Variants in LMX1A observed in about 807,000 individuals in gnomAD.
LMX1A encodes LIM homeobox transcription factor 1 alpha.
In LMX1A, 15 loss-of-function variants were observed where a neutral mutation model predicts 49.1. That is an observed-to-expected ratio of 0.31 (90% CI 0.20 to 0.47). The LOEUF (loss-of-function observed/expected upper bound fraction) is 0.47. Ranked by LOEUF, LMX1A falls within the 20% of genes least tolerant of loss-of-function variation. The probability of loss-of-function intolerance (pLI) is 1.00; values close to 1 mark genes in which losing one functional copy is unlikely to be tolerated. For synonymous variants in LMX1A, 167 were observed against 185.7 expected (o/e 0.90, Z 0.82); for missense variants, 372 against 475.8 (o/e 0.78, Z 2.03).
At chr1:165,292,958 A>C (rs1654518969) in intron 3 of LMX1A, among the ~76,000 whole-genome samples, 1 of 152,106 alleles carries the variant, frequency 6.6e-6, no homozygotes, top group African/African-American at 2.4e-5. Flanking sequence ...CTCTACTAAA[A>C]ATACAAAAAT....
chr1:165,325,444 T>TGTATAC (rs1364932348), intron 3 of LMX1A, among the ~76,000 whole-genome samples: 1 of 111,722 alleles, frequency 9.0e-6, no homozygotes, highest in East Asian at 2.5e-4. Context: ...TATATGTATA[T>TGTATAC]GTATATGTAT....
chr1:165,272,150 T>G lies in LMX1A; in HGVS notation c.264-22510A>C, dbSNP rs537779380. On this transcript the variant is annotated intron_variant, in intron 3 of 8. Coordinates refer to ENST00000342310, the MANE Select transcript of LMX1A (RefSeq NM_177398.4). ...CCAGCTAATTCATCTAGGACCACAC[T>G]GCCCACCAAGGGGCTTGGTCCTCCA... is the stretch of plus-strand genomic sequence containing the variant. 3.0e-4 allele frequency among the ~76,000 whole-genome samples: 45 copies of G among 152,182 alleles called. 1 individual carries two copies. In the South Asian group the frequency reaches 6.9e-3, roughly 23 times the overall value.
chr1:165,249,484 C>A lies in LMX1A; in HGVS notation c.420G>T (p.Gly140=), dbSNP rs369819729. The A allele has an allele frequency of 3.1e-6, 5 of 1,614,090 alleles. No homozygotes were observed. Among genetic ancestry groups the A allele is most frequent in the Non-Finnish European group, 4.2e-6 (5 of 1,180,050 alleles). The change falls in exon 4 of 9, where the codon GGG becomes GGT. Residue 140 remains glycine (G), a synonymous_variant. Transcript: ENST00000342310. ...CATAGTCCCCTTTGCAGAGCAGCTG[C>A]CCCTCCTTCAGGACAAACTCATCAC... The part of the protein sequence containing the change: ...QKGDEFVLKE[G]QLLCKGDYEK...
intron 3 of LMX1A, among the ~76,000 whole-genome samples, chr1:165,302,254 G>A (rs1363695172): frequency 3.9e-5 from 6 of 151,980 alleles, no homozygotes; most frequent in East Asian, 1.9e-4. Context: ...GACCAGCCTC[G>A]CCAACATGGA....
rs895015619 is a variant in LMX1A, at chr1:165,203,988, G to C, written c.1041C>G (p.Asn347Lys). 2.5e-6 allele frequency: 4 copies of C among 1,614,036 alleles called. No homozygotes were observed. The African/African-American group carries it at 4.0e-5, about 16-fold the overall frequency. Residue 347 changes from asparagine to lysine, a missense_variant, in exon 9 of 9, where the codon AAC (asparagine) becomes AAG (lysine). Coordinates refer to ENST00000342310, the MANE Select transcript of LMX1A (RefSeq NM_177398.4). The part of the protein sequence containing the change: ...DLDSDDTSLS[N>K]LGDCFLATSE... The stretch of plus-strand genomic sequence containing the variant: ...AGGTTGCTAGGAAACAATCACCCAG[G>C]TTACTGAGGGAGGTGTCGTCGCTAT...
intron 4 of LMX1A, among the ~76,000 whole-genome samples, chr1:165,222,032 A>C (rs1206607034): frequency 6.6e-6 from 1 of 152,068 alleles, no homozygotes; most frequent in African/African-American, 2.4e-5. Context: ...TCTAATAAAA[A>C]CATGGCCAAA....
chr1:165,299,315 G>A (rs1164829346), intron 3 of LMX1A, among the ~76,000 whole-genome samples: 3 of 152,194 alleles, frequency 2.0e-5, no homozygotes, highest in Non-Finnish European at 4.4e-5. Context: ...GGAGTCCAGC[G>A]CCCCTCCATT....
At chr1:165,272,234 T>C (rs557924031) in intron 3 of LMX1A, among the ~76,000 whole-genome samples, 1 of 152,294 alleles carries the variant, frequency 6.6e-6, no homozygotes, top group African/African-American at 2.4e-5. Flanking sequence ...GCTGGATGCA[T>C]TCCCTGCCAA....
At chr1:165,331,501 T>C (rs1215633866) in intron 3 of LMX1A, among the ~76,000 whole-genome samples, 1 of 152,206 alleles carries the variant, frequency 6.6e-6, no homozygotes, top group Non-Finnish European at 1.5e-5. Context: ...TGTAGAATTC[T>C]AGAACTAAAA....
Position 165,238,967 on chromosome 1 carries a change from C to T in LMX1A, c.496+10441G>A, listed in dbSNP as rs540140320. On this transcript the variant is annotated intron_variant, in intron 4 of 8. Coordinates refer to ENST00000342310, the MANE Select transcript of LMX1A (RefSeq NM_177398.4). Reference sequence around the variant, plus strand: ...ATAATAACATTGCTTTCCTCATCAACTTGGTGTGCAGAATAATTCATGTAA... The same window carrying T: ...ATAATAACATTGCTTTCCTCATCAATTTGGTGTGCAGAATAATTCATGTAA... Among the ~76,000 whole-genome samples, 7 of 152,336 alleles carry T rather than the reference C, an allele frequency of 4.6e-5. No individual in the cohort carries two copies. In the South Asian group the frequency reaches 1.0e-3, roughly 23 times the overall value.
chr1:165,329,015 T>A (rs1372152009), intron 3 of LMX1A, among the ~76,000 whole-genome samples: 1 of 152,232 alleles, frequency 6.6e-6, no homozygotes, highest in Non-Finnish European at 1.5e-5. Context: ...TTCACACTGC[T>A]ATGAAGAACT....
intron 3 of LMX1A, among the ~76,000 whole-genome samples, chr1:165,289,687 G>A (rs1330068766): frequency 2.0e-5 from 3 of 152,244 alleles, no homozygotes; most frequent in Non-Finnish European, 2.9e-5. Context: ...AGAGAGCTGA[G>A]TCTGGTTGGA....
At position 165,206,047 on chromosome 1, in the gene LMX1A, G is replaced by A. The variant is rs1651066038; in HGVS notation, c.818-13C>T. On this transcript the variant is annotated splice_polypyrimidine_tract_variant and intron_variant, in intron 7 of 8. Transcript: ENST00000342310. ...CCGTTTGTCTGAGCTGTGGAACAAA[G>A]AAGAAGCCAGGTCATTCTCAACGTG... is the stretch of plus-strand genomic sequence containing the variant. The A allele has an allele frequency of 6.6e-7, 1 of 1,524,012 alleles. No individual in the cohort carries two copies. The allele number at this position is 1,524,012 out of a possible 1,614,324, so 94.4% of individuals were successfully genotyped here.
At position 165,355,878 on chromosome 1, in the gene LMX1A, T is replaced by G. The variant is rs374394858; in HGVS notation, c.-22-297A>C. On this transcript the variant is annotated intron_variant, in intron 1 of 8. Transcript: ENST00000342310. This position sits in a 1 kb window ranked among gnomAD's most constrained non-coding sequence, Gnocchi z 4.7. ...CCCACCTACATCCCTTGCCCCAGGT[T>G]TTCCATCCCGAATCCGACTCCGCCC... The G allele has an allele frequency of 1.0e-3, 391 of 389,532 alleles. 5 individuals are homozygous for G. The East Asian group carries it at 0.017, about 17-fold the overall frequency. The allele number at this position is 389,532 out of a possible 1,614,324, so 24.1% of individuals were successfully genotyped here.
At chr1:165,301,131 G>A (rs1654762003) in intron 3 of LMX1A, among the ~76,000 whole-genome samples, 2 of 150,964 alleles carry the variant, frequency 1.3e-5, no homozygotes, top group South Asian at 4.2e-4. Flanking sequence ...CAAACCTGGT[G>A]AGAACCCGTG....
At chr1:165,237,539 C>T (rs1652495306) in intron 4 of LMX1A, among the ~76,000 whole-genome samples, 1 of 152,096 alleles carries the variant, frequency 6.6e-6, no homozygotes, top group African/African-American at 2.4e-5. Context: ...CCCATGCACA[C>T]ACAATATGCA....
intron 3 of LMX1A, among the ~76,000 whole-genome samples, chr1:165,323,975 C>G (rs12737755): frequency 0.074 from 11,327 of 152,244 alleles, 611 homozygotes; most frequent in South Asian, 0.2. Flanking sequence ...TGTAGTTAAC[C>G]TATCATCTCA....
intron 3 of LMX1A, among the ~76,000 whole-genome samples, chr1:165,273,853 T>G (rs1453355667): frequency 6.6e-6 from 1 of 152,192 alleles, no homozygotes; most frequent in African/African-American, 2.4e-5. Flanking sequence ...CAACTACAAA[T>G]GAGGCGCCCT....
chr1:165,289,242 T>A (rs1308220638), intron 3 of LMX1A, among the ~76,000 whole-genome samples: 10 of 147,808 alleles, frequency 6.8e-5, no homozygotes, highest in Non-Finnish European at 4.5e-5. Context: ...TGATTATTGA[T>A]AAAAAAAAAA....
Sources: allele counts gnomAD v4.1 joint callset (sites outside exome capture counted in the v4.1 genomes callset), GRCh38; gene constraint gnomAD v4.1.1; non-coding constraint Gnocchi (gnomAD v3.1); transcripts MANE v1.5; gene names NCBI Gene and HGNC (gene_info 2026-07-23, HGNC 2026-07-21).